ATL3: variants seen among roughly 807,000 people sequenced by gnomAD.
The protein encoded by ATL3 is atlastin GTPase 3.
In ATL3, 49 loss-of-function variants were observed where a neutral mutation model predicts 69.5. The ratio of observed to expected loss-of-function variants is 0.71; its 90% CI spans 0.56 to 0.89. The LOEUF is 0.89. Among genes scored for constraint, ATL3 ranks in the 40% least tolerant of loss-of-function variants. The pLI is 0.00. For missense variants in ATL3, 606 were observed against 645.7 expected (o/e 0.94, Z 0.67); for synonymous variants, 214 against 224.1 (o/e 0.95, Z 0.40).
At chr11:63,671,867 C>CT (rs1940800132), upstream of ATL3, 1 of 520,204 alleles carries the variant, frequency 1.9e-6, no homozygotes, top group Non-Finnish European at 2.7e-6. Flanking sequence ...CAGGCCGAGG[C>CT]TTTATCCTGG....
In ATL3 at chr11:63,626,834, G is replaced by A. The variant is rs1218020353; in HGVS notation, c.*2485C>T. The A allele has an allele frequency of 6.6e-6, 1 of 151,792 alleles. No individual in the cohort carries two copies. Among genetic ancestry groups the A allele is most frequent in the East Asian group, 1.9e-4 (1 of 5,188 alleles). 9.4% of individuals were successfully genotyped at this position (151,792 alleles called of 1,614,324 possible). ...TGATAATGCATCTTTTATTGAAAAA[G>A]CTGATATAAAATCATCAATTTACTG... On this transcript the variant is annotated 3_prime_UTR_variant, in exon 13 of 13. Coordinates refer to ENST00000398868, the MANE Select transcript of ATL3 (RefSeq NM_015459.5).
chr11:63,641,356 C>T (rs1396815734), intron 8 of ATL3, among the ~76,000 whole-genome samples: 1 of 152,178 alleles, frequency 6.6e-6, no homozygotes, highest in Non-Finnish European at 1.5e-5. Flanking sequence ...GCATCCCCCT[C>T]CCCAACAAAA....
chr11:63,648,417 G>A (rs999720898), intron 5 of ATL3, among the ~76,000 whole-genome samples: 1 of 152,208 alleles, frequency 6.6e-6, no homozygotes, highest in Non-Finnish European at 1.5e-5. Context: ...ACCTCATTGT[G>A]ATCCAAACCA....
chr11:63,637,277 G>GAAAAAA (rs56386158), intron 8 of ATL3, among the ~76,000 whole-genome samples: 3 of 140,076 alleles, frequency 2.1e-5, no homozygotes, highest in Admixed American at 7.1e-5. Context: ...CTCCATCTCA[G>GAAAAAA]AAAAAAAAAA....
chr11:63,652,894 T>TA (rs1440204933), intron 3 of ATL3, among the ~76,000 whole-genome samples: 1 of 152,110 alleles, frequency 6.6e-6, no homozygotes, highest in Non-Finnish European at 1.5e-5. Flanking sequence ...AAAAAGAAAC[T>TA]AAAAAATATT....
Position 63,656,378 on chromosome 11 carries a change from A to C in ATL3, c.405+2383T>G, listed in dbSNP as rs1001256387. Among the ~76,000 whole-genome samples, 4 of 152,286 alleles carry C rather than the reference A, an allele frequency of 2.6e-5. 1 individual carries two copies. The East Asian group carries it at 5.8e-4, about 22-fold the overall frequency. On this transcript the variant is annotated intron_variant, in intron 3 of 12. Coordinates refer to ENST00000398868, the MANE Select transcript of ATL3 (RefSeq NM_015459.5). Reference sequence around the variant, plus strand: ...AATTTAAAGAAAAAAGCAACCAGACAAAAAAGACAGATTAGGTACAAAAGA... The same window carrying C: ...AATTTAAAGAAAAAAGCAACCAGACCAAAAAGACAGATTAGGTACAAAAGA...
At chr11:63,634,088 T>C (rs1372758760) in intron 10 of ATL3, among the ~76,000 whole-genome samples, 2 of 146,308 alleles carry the variant, frequency 1.4e-5, no homozygotes, top group Non-Finnish European at 3.0e-5. Context: ...GGCTTACGCC[T>C]GTAATCCCAG....
chr11:63,666,622 GT>G (rs1345781075), intron 1 of ATL3, among the ~76,000 whole-genome samples: 1 of 150,628 alleles, frequency 6.6e-6, no homozygotes, highest in Non-Finnish European at 1.5e-5. Flanking sequence ...GCCGAGGGGG[GT>G]GGATCGCACA....
chr11:63,655,699 G>A (rs1193394737), intron 3 of ATL3, among the ~76,000 whole-genome samples: 3 of 151,274 alleles, frequency 2.0e-5, no homozygotes, highest in Admixed American at 6.6e-5. Flanking sequence ...CACCCACCTC[G>A]GCCTCCCAAA....
intron 12 of ATL3, among the ~76,000 whole-genome samples, chr11:63,630,732 G>T (rs1939284041): frequency 6.6e-6 from 1 of 150,818 alleles, no homozygotes; most frequent in South Asian, 2.1e-4. Context: ...GGAGGCGGAG[G>T]TTGCAGTGAG....
At chr11:63,651,499 C>T (rs1054691163) in intron 5 of ATL3, among the ~76,000 whole-genome samples, 1 of 152,126 alleles carries the variant, frequency 6.6e-6, no homozygotes, top group Non-Finnish European at 1.5e-5. Context: ...CCTCCCATGG[C>T]TCCCACCTTC....
At chr11:63,640,341 G>A (rs994413068) in intron 8 of ATL3, among the ~76,000 whole-genome samples, 1 of 151,932 alleles carries the variant, frequency 6.6e-6, no homozygotes, top group Non-Finnish European at 1.5e-5. Flanking sequence ...AGGCTAGAGT[G>A]CGGTGGTGCA....
Position 63,629,063 on chromosome 11 carries a change from G to C in ATL3, c.*256C>G, listed in dbSNP as rs1939215844. On this transcript the variant is annotated 3_prime_UTR_variant, in exon 13 of 13. Transcript: ENST00000398868. ...CTTCCTCCTCCATAAAGTGCACAAA[G>C]CAGAGTAATATGAAAATAGACACAG... The C allele has an allele frequency of 2.2e-6, 1 of 460,044 alleles. No individual in the cohort carries two copies. Among genetic ancestry groups the C allele is most frequent in the South Asian group, 3.6e-5 (1 of 27,780 alleles). The allele number at this position is 460,044 out of a possible 1,614,324, so 28.5% of individuals were successfully genotyped here.
At chr11:63,633,336 T>C (rs1939390923) in intron 10 of ATL3, among the ~76,000 whole-genome samples, 1 of 152,216 alleles carries the variant, frequency 6.6e-6, no homozygotes, top group Non-Finnish European at 1.5e-5. Context: ...TAAGAATCTT[T>C]AGCAAAAATT....
intron 8 of ATL3, among the ~76,000 whole-genome samples, chr11:63,640,100 G>C (rs540033734): frequency 6.6e-6 from 1 of 151,942 alleles, no homozygotes; most frequent in African/African-American, 2.4e-5. Context: ...AGCTAATTTT[G>C]TATTTTTAGT....
At chr11:63,663,991 T>C (rs1439163086) in intron 1 of ATL3, among the ~76,000 whole-genome samples, 1 of 152,148 alleles carries the variant, frequency 6.6e-6, no homozygotes, top group East Asian at 1.9e-4. Flanking sequence ...GTGAATCATC[T>C]TGGGCCAGGC....
At chr11:63,659,725 A>T (rs1287808707) in intron 1 of ATL3, among the ~76,000 whole-genome samples, 1 of 152,188 alleles carries the variant, frequency 6.6e-6, no homozygotes, top group Non-Finnish European at 1.5e-5. Flanking sequence ...ACTTGAGGTC[A>T]GGAGTTCAAG....
rs988398627 is a variant in ATL3 at position 63,667,533 on chromosome 11, G to A, written c.46+3757C>T. ...TCCCACCACTTTGGGAGGCCAAGGC[G>A]GATGGATCATTTGCAGCCAAGAGTT... is the stretch of plus-strand genomic sequence containing the variant. On this transcript the variant is annotated intron_variant, in intron 1 of 12. Coordinates refer to ENST00000398868, the MANE Select transcript of ATL3 (RefSeq NM_015459.5). Among the ~76,000 whole-genome samples the A allele has an allele frequency of 2.4e-4, 37 of 152,140 alleles. 1 individual carries two copies. Among genetic ancestry groups the A allele is most frequent in the Admixed American group, 1.5e-3 (23 of 15,260 alleles).
In ATL3 at chr11:63,651,067, G is replaced by T. The variant is rs77075692; in HGVS notation, c.561+869C>A. Among the ~76,000 whole-genome samples the T allele has an allele frequency of 2.6e-4, 39 of 152,214 alleles. No homozygotes were observed. In the East Asian group the frequency reaches 7.5e-3, roughly 29 times the overall value. On this transcript the variant is annotated intron_variant, in intron 5 of 12. Coordinates refer to ENST00000398868, the MANE Select transcript of ATL3 (RefSeq NM_015459.5). The stretch of plus-strand genomic sequence containing the variant: ...TTCTTGAATGTCAGTGGGAGAAGTA[G>T]CATTAGAGTAACATACCAGAATTGC...
Sources: allele counts gnomAD v4.1 joint callset (sites outside exome capture counted in the v4.1 genomes callset), GRCh38; gene constraint gnomAD v4.1.1; transcripts MANE v1.5; gene names NCBI Gene and HGNC (gene_info 2026-07-23, HGNC 2026-07-21).